The following MICAL2 variants were observed in gnomAD, a reference collection of about 807,000 sequenced individuals.
MICAL2 encodes [F-actin]-monooxygenase MICAL2.
A neutral mutation model predicts 127.3 loss-of-function variants in MICAL2; 77 were observed. The ratio of observed to expected loss-of-function variants is 0.60; its 90% CI spans 0.50 to 0.73. The LOEUF (loss-of-function observed/expected upper bound fraction) is 0.73. Among genes scored for constraint, MICAL2 ranks in the 30% least tolerant of loss-of-function variants. MICAL2 has a pLI of 0.00. For missense variants in MICAL2, 1,351 were observed against 1,434.4 expected, an observed-to-expected ratio of 0.94 and a Z score of 0.94; for synonymous variants, 570 against 551.1, an observed-to-expected ratio of 1.03 and a Z score of -0.48.
intron 3 of MICAL2, among the ~76,000 whole-genome samples, chr11:12,199,487 T>C (rs141235296): frequency 6.6e-6 from 1 of 152,152 alleles, no homozygotes. Context: ...AAATGAAACC[T>C]GCAGACTGCT....
At chr11:12,249,092 T>C in intron 21 of MICAL2, 92 bp from the exon 22 acceptor site, 1 of 1,546,914 alleles carries the variant, frequency 6.5e-7, no homozygotes, top group Non-Finnish European at 8.8e-7. Context: ...ATGCCTGAAG[T>C]ATCCTGTAAA....
At chr11:12,258,643 T>G in intron 25 of MICAL2, 87 bp downstream of exon 25, 1 of 1,268,286 alleles carries the variant, frequency 7.9e-7, no homozygotes. Context: ...CCAGCTTTGC[T>G]GGCCCTAGAG....
intron 16 of MICAL2, among the ~76,000 whole-genome samples, chr11:12,239,007 A>G (rs1026370883): frequency 2.0e-5 from 3 of 152,184 alleles, no homozygotes; most frequent in Admixed American, 2.0e-4. Context: ...ATTGGCCCCC[A>G]ACCCCTGCTC....
At chr11:12,191,811 G>A (rs1449869458) in intron 3 of MICAL2, among the ~76,000 whole-genome samples, 7 of 152,066 alleles carry the variant, frequency 4.6e-5, no homozygotes, top group Non-Finnish European at 7.4e-5. Flanking sequence ...GTTATGATAA[G>A]CACCATGCAG....
intron 21 of MICAL2, among the ~76,000 whole-genome samples, chr11:12,248,355 T>TC (rs1827216013): frequency 6.6e-6 from 1 of 152,172 alleles, no homozygotes; most frequent in Non-Finnish European, 1.5e-5. Flanking sequence ...TCCTCATCTA[T>TC]CCCACCAAAC....
intron 3 of MICAL2, among the ~76,000 whole-genome samples, chr11:12,190,313 T>C (rs1051602904): frequency 1.3e-5 from 2 of 152,154 alleles, no homozygotes; most frequent in African/African-American, 4.8e-5. Flanking sequence ...TGGACTCTCC[T>C]ACGTAACCAT....
chr11:12,234,303 A>C (rs374268176), intron 15 of MICAL2, among the ~76,000 whole-genome samples: 1 of 82,534 alleles, frequency 1.2e-5, no homozygotes. Context: ...GGTAGAAACC[A>C]AAAAAAAAAA....
chr11:12,351,674 T>A lies in MICAL2; in HGVS notation c.5615+1737T>A, dbSNP rs1260209859. 2.0e-5 allele frequency among the ~76,000 whole-genome samples: 3 copies of A among 151,772 alleles called. No individual in the cohort carries two copies. The East Asian group carries it at 5.8e-4, about 29-fold the overall frequency. On this transcript the variant is annotated intron_variant, in intron 33 of 34. Transcript: ENST00000646065. Reference sequence around the variant, plus strand: ...CCCCTGGGGTGAGAGTGAGGAAGGGTAGGGTTGGGAGAGGTGGCCCGGAGT... The same window carrying A: ...CCCCTGGGGTGAGAGTGAGGAAGGGAAGGGTTGGGAGAGGTGGCCCGGAGT...
At chr11:12,217,995 C>T (rs1176797637) in intron 8 of MICAL2, among the ~76,000 whole-genome samples, 1 of 152,174 alleles carries the variant, frequency 6.6e-6, no homozygotes, top group Non-Finnish European at 1.5e-5. Flanking sequence ...GGAGGAATGG[C>T]AAGTTTTCTG....
chr11:12,254,071 C>T (rs1207816871), intron 22 of MICAL2: 1 of 152,198 alleles, frequency 6.6e-6, no homozygotes, highest in Non-Finnish European at 1.5e-5. Flanking sequence ...TCCTATCACC[C>T]AGGAAATCCC....
intron 2 of MICAL2, among the ~76,000 whole-genome samples, chr11:12,142,432 A>T (rs757842332): frequency 3.0e-4 from 46 of 152,318 alleles, no homozygotes; most frequent in Non-Finnish European, 5.0e-4. Context: ...TGAGTTTGCC[A>T]TTCAAATCAA....
intron 3 of MICAL2, among the ~76,000 whole-genome samples, chr11:12,188,669 C>T (rs1181543022): frequency 6.6e-6 from 1 of 152,146 alleles, no homozygotes; most frequent in African/African-American, 2.4e-5. Flanking sequence ...GGGCTTAGGG[C>T]ACAGTAGAAA....
At chr11:12,179,297 C>T (rs542499587) in intron 3 of MICAL2, among the ~76,000 whole-genome samples, 6 of 152,230 alleles carry the variant, frequency 3.9e-5, no homozygotes, top group Admixed American at 6.5e-5. Context: ...AGGCACTTTC[C>T]GTGTTCAGTC....
intron 2 of MICAL2, among the ~76,000 whole-genome samples, chr11:12,144,366 C>A (rs774755109): frequency 4.6e-5 from 7 of 152,168 alleles, no homozygotes; most frequent in Non-Finnish European, 1.0e-4. Flanking sequence ...AAGTCACTAG[C>A]GGGGCCATAC....
intron 3 of MICAL2, 95 bp downstream of exon 3, chr11:12,162,514 CT>C: frequency 7.0e-7 from 1 of 1,434,776 alleles, no homozygotes; most frequent in Non-Finnish European, 9.5e-7. Context: ...CTCTACGGTT[CT>C]TAGGTGTGGG....
At chr11:12,287,747 G>A (rs1186611483), downstream of MICAL2, among the ~76,000 whole-genome samples, 1 of 152,216 alleles carries the variant, frequency 6.6e-6, no homozygotes, top group Non-Finnish European at 1.5e-5. Flanking sequence ...GGCCCTGCCA[G>A]GGGGCGCAGT....
At chr11:12,330,822 G>GAGAGAGAGAGAGAGAGAGAGAGAGAGAGA (rs1555022632) in intron 32 of MICAL2, among the ~76,000 whole-genome samples, 4 of 129,520 alleles carry the variant, frequency 3.1e-5, no homozygotes, top group Non-Finnish European at 6.6e-5. Flanking sequence ...AGAGAGAGAG[G>GAGAGAGAGAGAGAGAGAGAGAGAGAGAGA]GAGAGACAGA....
intron 22 of MICAL2, among the ~76,000 whole-genome samples, chr11:12,250,728 T>C (rs547078979): frequency 8.6e-5 from 13 of 150,304 alleles, no homozygotes; most frequent in African/African-American, 2.7e-4. Context: ...TTGAAATTAC[T>C]AGTTCTTAAA....
At chr11:12,244,714 T>C (rs1396859180) in intron 21 of MICAL2, among the ~76,000 whole-genome samples, 1 of 151,688 alleles carries the variant, frequency 6.6e-6, no homozygotes, top group Non-Finnish European at 1.5e-5. Context: ...AGGGCAAGGG[T>C]GTTTTGGAGA....
Sources: allele counts gnomAD v4.1 joint callset (sites outside exome capture counted in the v4.1 genomes callset), GRCh38; gene constraint gnomAD v4.1.1; transcripts MANE v1.5; gene names NCBI Gene and HGNC (gene_info 2026-07-23, HGNC 2026-07-21).